RAD51B: variants seen among roughly 807,000 people sequenced by gnomAD.
RAD51B encodes RAD51 paralog B, also known as DNA repair protein RAD51 homolog 2.
Under a neutral mutation model 42.2 loss-of-function variants are expected in RAD51B, and 38 were observed. That is an observed-to-expected ratio of 0.90 (90% CI 0.70 to 1.18). RAD51B has a LOEUF of 1.18. Ranked by LOEUF, RAD51B falls within the 50% of genes most tolerant of loss-of-function variation. The pLI is 0.00. For synonymous variants in RAD51B, 154 were observed against 145.2 expected (o/e 1.06, Z -0.43); for missense variants, 373 against 400.7 (o/e 0.93, Z 0.59).
intron 7 of RAD51B, among the ~76,000 whole-genome samples, chr14:67,906,251 A>G (rs2043778563): frequency 1.3e-5 from 2 of 152,118 alleles, no homozygotes; most frequent in South Asian, 4.1e-4. Context: ...AGCCTGGTTG[A>G]TTAGGTAGAT....
chr14:68,145,763 G>A (rs2078235001), intron 7 of RAD51B, among the ~76,000 whole-genome samples: 1 of 152,172 alleles, frequency 6.6e-6, no homozygotes, highest in Admixed American at 6.5e-5. Context: ...TAGCTGCAGT[G>A]CATCTGCATC....
Position 68,009,147 on chromosome 14 carries a change from A to G in RAD51B, c.756+121943A>G, listed in dbSNP as rs937970025. Reference sequence around the variant, plus strand: ...TAATATTATATCTACGGTGGAAATCAGAGTCAATTCAATCTTATTTTGCAT... The same window carrying G: ...TAATATTATATCTACGGTGGAAATCGGAGTCAATTCAATCTTATTTTGCAT... On this transcript the variant is annotated intron_variant, in intron 7 of 10. Transcript: ENST00000471583. Among the ~76,000 whole-genome samples the G allele has an allele frequency of 4.6e-5, 7 of 151,994 alleles. No individual in the cohort carries two copies. In the East Asian group the frequency reaches 1.2e-3, roughly 25 times the overall value.
chr14:68,628,554 C>G (rs943071893), intron 10 of RAD51B: 1 of 152,122 alleles, frequency 6.6e-6, no homozygotes. Flanking sequence ...CCCGGCCTGA[C>G]GGCAGGCGCG....
chr14:67,968,471 C>A (rs1336172528), intron 7 of RAD51B, among the ~76,000 whole-genome samples: 1 of 152,212 alleles, frequency 6.6e-6, no homozygotes, highest in African/African-American at 2.4e-5. Flanking sequence ...GCACCCAAGT[C>A]ACCTTTTGAA....
chr14:68,423,494 T>C (rs1180975141), intron 9 of RAD51B, among the ~76,000 whole-genome samples: 1 of 152,212 alleles, frequency 6.6e-6, no homozygotes, highest in East Asian at 1.9e-4. Context: ...TGGAGCACAT[T>C]GAACGTTATG....
At chr14:68,121,723 A>G (rs1459133381) in intron 7 of RAD51B, among the ~76,000 whole-genome samples, 3 of 152,208 alleles carry the variant, frequency 2.0e-5, no homozygotes, top group Non-Finnish European at 4.4e-5. Flanking sequence ...ATATGATTGT[A>G]TATTTGGAAA....
At chr14:68,470,919 AT>A (rs999444492) in intron 10 of RAD51B, among the ~76,000 whole-genome samples, 3 of 152,202 alleles carry the variant, frequency 2.0e-5, no homozygotes, top group Non-Finnish European at 2.9e-5. Context: ...AGATCTCCAC[AT>A]ACTGCAACAT....
rs1045925614 is a variant in RAD51B at position 67,885,849 on chromosome 14, G to A, written c.453-20G>A. On this transcript the variant is annotated intron_variant, in intron 5 of 10. Coordinates refer to ENST00000471583, the MANE Select transcript of RAD51B (RefSeq NM_133510.4). ...AGTAGAATTGACTGTTTTCGTTTGT[G>A]CTATTTTTTTCACCCACAGACTGGT... The A allele has an allele frequency of 1.9e-6, 3 of 1,578,086 alleles. No homozygotes were observed. The African/African-American group carries it at 4.1e-5, about 21-fold the overall frequency.
chr14:68,158,766 C>T (rs902066746), intron 7 of RAD51B, among the ~76,000 whole-genome samples: 16 of 152,078 alleles, frequency 1.1e-4, no homozygotes, highest in South Asian at 2.1e-4. Flanking sequence ...TCATTTGATC[C>T]GGCCTGAATA....
chr14:68,126,291 AT>A (rs2077758071), intron 7 of RAD51B, among the ~76,000 whole-genome samples: 1 of 152,054 alleles, frequency 6.6e-6, no homozygotes, highest in Admixed American at 6.6e-5. Context: ...TGCTGCCTTG[AT>A]TCTATTGTTG....
chr14:68,063,045 G>C (rs1306029660), intron 7 of RAD51B, among the ~76,000 whole-genome samples: 1 of 151,910 alleles, frequency 6.6e-6, no homozygotes. Context: ...GTTCATGATT[G>C]TCTCTAATAA....
intron 10 of RAD51B, among the ~76,000 whole-genome samples, chr14:68,549,254 G>A (rs1594963425): frequency 6.6e-6 from 1 of 151,924 alleles, no homozygotes; most frequent in African/African-American, 2.4e-5. Context: ...ATGTTCCAGG[G>A]GGAGGGATGG....
intron 8 of RAD51B, among the ~76,000 whole-genome samples, chr14:68,367,352 T>C (rs1432878662): frequency 1.3e-5 from 2 of 152,202 alleles, no homozygotes; most frequent in Non-Finnish European, 2.9e-5. Context: ...TTCCAAGACT[T>C]GAGACAGACT....
intron 11 of RAD51B, among the ~76,000 whole-genome samples, chr14:68,663,918 C>T (rs1275926643): frequency 1.3e-5 from 2 of 152,146 alleles, no homozygotes; most frequent in Non-Finnish European, 2.9e-5. Context: ...ATTTGTGAAA[C>T]ATTAAATTTA....
intron 7 of RAD51B, among the ~76,000 whole-genome samples, chr14:68,013,379 G>T (rs1164499138): frequency 1.3e-5 from 2 of 152,112 alleles, no homozygotes; most frequent in Non-Finnish European, 2.9e-5. Context: ...ATCCCCCTAG[G>T]TTCAAGAGGA....
chr14:68,282,899 G>C (rs1437692733), intron 7 of RAD51B, among the ~76,000 whole-genome samples: 2 of 152,142 alleles, frequency 1.3e-5, no homozygotes, highest in African/African-American at 2.4e-5. Context: ...GGCTGGGGGG[G>C]ACCCGAGACT....
intron 7 of RAD51B, among the ~76,000 whole-genome samples, chr14:68,055,296 C>A (rs1278619974): frequency 6.6e-6 from 1 of 152,022 alleles, no homozygotes; most frequent in Non-Finnish European, 1.5e-5. Flanking sequence ...ATATTTTAAA[C>A]CTATTTTTAG....
chr14:68,385,522 G>C (rs2083576056), intron 8 of RAD51B, among the ~76,000 whole-genome samples: 1 of 152,126 alleles, frequency 6.6e-6, no homozygotes. Flanking sequence ...GAACCAATGA[G>C]TGAGGCCTAA....
intron 8 of RAD51B, among the ~76,000 whole-genome samples, chr14:68,367,226 A>G (rs2083160479): frequency 6.6e-6 from 1 of 152,216 alleles, no homozygotes; most frequent in East Asian, 1.9e-4. Context: ...GAAATATACC[A>G]TTTTGGGACT....
Sources: gnomAD v4.1 joint callset for allele counts (sites outside exome capture counted in the v4.1 genomes callset) on GRCh38, gnomAD v4.1.1 for gene constraint, MANE v1.5 for transcripts, NCBI Gene and HGNC (gene_info 2026-07-23, HGNC 2026-07-21) for gene names.